The following JAK1 variants were observed in gnomAD, a reference collection of about 807,000 sequenced individuals.
JAK1 encodes Janus kinase 1.
JAK1 carries 16 observed loss-of-function variants against 136.6 expected under a neutral mutation model. That is an observed-to-expected ratio of 0.12 (90% CI 0.08 to 0.18). The LOEUF (loss-of-function observed/expected upper bound fraction) is 0.18, where lower values mean the gene tolerates loss of function less well. Ranked by LOEUF, JAK1 falls within the 10% of genes least tolerant of loss-of-function variation. The probability of loss-of-function intolerance (pLI) is 1.00; values close to 1 mark genes in which losing one functional copy is unlikely to be tolerated. For synonymous variants in JAK1, 492 were observed against 519.5 expected (o/e 0.95, Z 0.72); for missense variants, 859 against 1,450.1 (o/e 0.59, Z 6.62).
intron 1 of JAK1, among the ~76,000 whole-genome samples, chr1:64,903,778 T>G (rs1557679031): frequency 6.6e-6 from 1 of 152,208 alleles, no homozygotes; most frequent in South Asian, 2.1e-4. Flanking sequence ...AGACACTTCT[T>G]GTCATGAAAG....
At chr1:64,881,047 T>A (rs1324501866) in intron 3 of JAK1, among the ~76,000 whole-genome samples, 1 of 151,976 alleles carries the variant, frequency 6.6e-6, no homozygotes, top group Non-Finnish European at 1.5e-5. Context: ...AGCAGGAGGA[T>A]CACTTGAGGT....
At position 65,000,246 on chromosome 1, in the gene JAK1, G is replaced by A. The variant is rs562663023; in HGVS notation, c.-78+44234C>T. Among the ~76,000 whole-genome samples, 6 of 152,124 alleles carry A rather than the reference G, an allele frequency of 3.9e-5. No individual in the cohort carries two copies. The East Asian group carries it at 5.8e-4, about 15-fold the overall frequency. The stretch of plus-strand genomic sequence containing the variant: ...TCATGATCCGCCCGCCTTGGCCATC[G>A]TAAGTCTTAAAAGATCATTGTAGGG... On this transcript the variant is annotated intron_variant, in intron 2 of 25. Coordinates refer to the JAK1 transcript ENST00000671954.
intron 1 of JAK1, among the ~76,000 whole-genome samples, chr1:64,955,264 G>A (rs1432004400): frequency 1.3e-5 from 2 of 152,152 alleles, no homozygotes; most frequent in East Asian, 1.9e-4. Flanking sequence ...CAAAAGAACA[G>A]AAGCACAGAC....
At chr1:64,932,361 C>T (rs1360957580) in intron 1 of JAK1, among the ~76,000 whole-genome samples, 2 of 152,026 alleles carry the variant, frequency 1.3e-5, no homozygotes, top group Admixed American at 6.6e-5. Context: ...TGCAGTGAGC[C>T]GAGATCGCGC....
chr1:64,849,779 T>C (rs768149514), intron 12 of JAK1, among the ~76,000 whole-genome samples: 2 of 152,036 alleles, frequency 1.3e-5, no homozygotes, highest in Non-Finnish European at 2.9e-5. Context: ...CCCCACAGAC[T>C]ATGTCAAGTT....
intron 2 of JAK1, among the ~76,000 whole-genome samples, chr1:65,039,884 T>C (rs777919361): frequency 6.6e-6 from 1 of 152,084 alleles, no homozygotes; most frequent in Non-Finnish European, 1.5e-5. Flanking sequence ...ACAAACTTAG[T>C]GTCTTAAAAA....
intron 4 of JAK1, among the ~76,000 whole-genome samples, chr1:64,874,173 G>C (rs1482913537): frequency 1.3e-5 from 2 of 152,288 alleles, no homozygotes; most frequent in African/African-American, 4.8e-5. Context: ...GAGGAAAACT[G>C]AGATTCCAAG....
chr1:64,958,235 C>T lies in JAK1; in HGVS notation c.-78+8098G>A, dbSNP rs1437332597. ...TGCTTCCTAAATCACATCAAGTGGG[C>T]TTACAATTTATGTTTGGGCCAATAT... On this transcript the variant is annotated intron_variant, in intron 1 of 24. Transcript: ENST00000342505. Among the ~76,000 whole-genome samples the T allele has an allele frequency of 3.9e-5, 6 of 152,192 alleles. No homozygotes were observed. In the East Asian group the frequency reaches 1.2e-3, roughly 29 times the overall value.
chr1:64,862,194 A>G (rs1656391786), intron 8 of JAK1, among the ~76,000 whole-genome samples: 1 of 152,196 alleles, frequency 6.6e-6, no homozygotes, highest in Non-Finnish European at 1.5e-5. Context: ...CAGGCTCTAG[A>G]GCCAGCTGCT....
At chr1:64,943,371 C>T (rs926316424) in intron 1 of JAK1, among the ~76,000 whole-genome samples, 1 of 152,100 alleles carries the variant, frequency 6.6e-6, no homozygotes, top group African/African-American at 2.4e-5. Flanking sequence ...GAAAACAGTC[C>T]AGGGATAGGA....
At chr1:64,934,406 C>G (rs1408910317) in intron 1 of JAK1, among the ~76,000 whole-genome samples, 1 of 152,184 alleles carries the variant, frequency 6.6e-6, no homozygotes, top group Non-Finnish European at 1.5e-5. Flanking sequence ...CAGTGAAGAG[C>G]AGGGTCGTTT....
intron 21 of JAK1, 46 bp from the exon 22 acceptor site, chr1:64,838,150 A>C (rs371290593): frequency 6.5e-7 from 1 of 1,534,486 alleles, no homozygotes; most frequent in East Asian, 2.3e-5. Context: ...AAGTCACTTT[A>C]GATTGTATTA....
At chr1:64,941,689 C>T (rs1285465648) in intron 1 of JAK1, among the ~76,000 whole-genome samples, 1 of 152,172 alleles carries the variant, frequency 6.6e-6, no homozygotes, top group Non-Finnish European at 1.5e-5. Flanking sequence ...AACCAAAGCT[C>T]AGCACATGAC....
intron 1 of JAK1, among the ~76,000 whole-genome samples, chr1:64,904,146 T>C (rs1259471297): frequency 6.6e-6 from 1 of 152,228 alleles, no homozygotes; most frequent in Non-Finnish European, 1.5e-5. Context: ...TAGAAACAGA[T>C]ATAATTTTTA....
chr1:65,056,996 G>A (rs966793746), intron 1 of JAK1, among the ~76,000 whole-genome samples: 5 of 151,134 alleles, frequency 3.3e-5, no homozygotes, highest in African/African-American at 1.2e-4. Flanking sequence ...GTGGTAGGTA[G>A]GTTCAAATTA....
At chr1:65,044,503 A>G (rs1000787778) in exon 2 of JAK1, among the ~76,000 whole-genome samples, 30 of 152,352 alleles carry the variant, frequency 2.0e-4, no homozygotes, top group Middle Eastern at 3.4e-3. Context: ...AAGAATGCTT[A>G]TGGCAGCTTG....
chr1:65,046,416 C>T (rs766967324), intron 1 of JAK1, among the ~76,000 whole-genome samples: 4 of 152,156 alleles, frequency 2.6e-5, no homozygotes, highest in Non-Finnish European at 5.9e-5. Flanking sequence ...GGGACTGGGA[C>T]AAGAGACACC....
At chr1:64,856,998 T>C (rs1396634811) in intron 10 of JAK1, among the ~76,000 whole-genome samples, 1 of 152,234 alleles carries the variant, frequency 6.6e-6, no homozygotes, top group Non-Finnish European at 1.5e-5. Context: ...AATATTCCAC[T>C]TTGTAGTTTT....
At chr1:64,932,413 A>C (rs1645714062) in intron 1 of JAK1, among the ~76,000 whole-genome samples, 3 of 152,190 alleles carry the variant, frequency 2.0e-5, no homozygotes, top group Admixed American at 6.5e-5. Context: ...CTCTGTCTCA[A>C]AAAAATAATT....
Sources: allele counts gnomAD v4.1 joint callset (sites outside exome capture counted in the v4.1 genomes callset), GRCh38; gene constraint gnomAD v4.1.1; transcripts MANE v1.5; gene names NCBI Gene and HGNC (gene_info 2026-07-23, HGNC 2026-07-21).